COG1: variants seen among roughly 807,000 people sequenced by gnomAD.
COG1 encodes conserved oligomeric Golgi complex subunit 1.
Under a neutral mutation model 102.2 loss-of-function variants are expected in COG1, and 61 were observed. The ratio of observed to expected loss-of-function variants is 0.60; its 90% CI spans 0.49 to 0.74. The LOEUF is 0.74. COG1 is among the 30% of genes least tolerant of loss of function. COG1 has a pLI of 0.00. For missense variants in COG1, 1,164 were observed against 1,232.1 expected (o/e 0.94, Z 0.83); for synonymous variants, 454 against 493.6 (o/e 0.92, Z 1.06).
rs1328105998 is a variant in COG1, at chr17:73,197,266, G to A, written c.783G>A (p.Leu261=). 1 of 1,614,226 alleles carries A rather than the reference G, an allele frequency of 6.2e-7. No individual in the cohort carries two copies. The change falls in exon 4 of 14, where the codon TTG becomes TTA. Residue 261 remains leucine, a synonymous_variant. Coordinates refer to ENST00000299886, the MANE Select transcript of COG1 (RefSeq NM_018714.3). ...IKAQICSLVE[L]LATTLKQAHA... ...CTCAGATTTGCTCATTAGTGGAGTT[G>A]CTGGCCACCACTCTGAAGCAAGCTC...
At chr17:73,204,049 A>G (rs1423707112) in intron 9 of COG1, among the ~76,000 whole-genome samples, 2 of 152,138 alleles carry the variant, frequency 1.3e-5, no homozygotes, top group East Asian at 3.9e-4. Context: ...AAGACCCAGA[A>G]CTTTGGGAGG....
chr17:73,207,576 T>G, intron 13 of COG1: 1 of 773,080 alleles, frequency 1.3e-6, no homozygotes, highest in Non-Finnish European at 2.0e-6. Context: ...TTGTACTTGT[T>G]TGGAGAAAAT....
chr17:73,198,652 C>T (rs1488818656), intron 4 of COG1, among the ~76,000 whole-genome samples: 1 of 151,446 alleles, frequency 6.6e-6, no homozygotes, highest in Non-Finnish European at 1.5e-5. Flanking sequence ...GACTGTGAAG[C>T]GGGCAGGTGC....
intron 1 of COG1, among the ~76,000 whole-genome samples, chr17:73,194,871 T>C (rs1043390152): frequency 1.3e-5 from 2 of 152,214 alleles, no homozygotes; most frequent in African/African-American, 2.4e-5. Context: ...TACTGGGACA[T>C]AGAAGAAAAA....
Position 73,201,549 on chromosome 17 carries a change from C to T in COG1, c.1722C>T (p.Ser574=), listed in dbSNP as rs149888309. 4.8e-5 allele frequency: 77 copies of T among 1,614,234 alleles called. No homozygotes were observed. The highest frequency in any genetic ancestry group is 4.3e-4 in the African/African-American group (32 of 75,054). ...GTVQEMLRTQ[S]VACIKHIVDC... ...TGCAGGAGATGCTGCGGACTCAGTC[C>T]GTGGCATGCATCAAGCACATCGTGG... The change falls in exon 7 of 14, where the codon TCC becomes TCT. Residue 574 remains serine (S), a synonymous_variant. Transcript: ENST00000299886.
At chr17:73,207,785 C>T (rs1467385049) in intron 13 of COG1, 6 of 1,288,646 alleles carry the variant, frequency 4.7e-6, no homozygotes, top group East Asian at 1.1e-4. Context: ...AAAGCTCAAA[C>T]AGCTTGTCTT....
chr17:73,194,556 C>T (rs59532222), intron 1 of COG1, among the ~76,000 whole-genome samples: 77,122 of 150,632 alleles, frequency 0.51, 19,819 homozygotes, highest in East Asian at 0.59. Flanking sequence ...CTCCGCCTCC[C>T]GGGTTCAAGC....
chr17:73,203,358 T>G (rs995250444), intron 8 of COG1: 3 of 734,978 alleles, frequency 4.1e-6, no homozygotes, highest in East Asian at 5.4e-5. Flanking sequence ...TAGCATAGGC[T>G]CTGTGCTAAT....
chr17:73,193,970 C>A (rs960323751), intron 1 of COG1, among the ~76,000 whole-genome samples: 1 of 152,102 alleles, frequency 6.6e-6, no homozygotes, highest in Non-Finnish European at 1.5e-5. Flanking sequence ...CCACCACAGC[C>A]GGCCAAGCCC....
In COG1 at chr17:73,201,211, A is replaced by C; in HGVS notation, c.1384A>C (p.Asn462His). ...AAGCAGCACCAGCAACTCCCCTTCA[A>C]ATAAGCACATCCACTTTGAGTACAA... Reference protein sequence around the residue: ...LESSTSNSPSNKHIHFEYNMS... With the variant: ...LESSTSNSPSHKHIHFEYNMS... Residue 462 changes from asparagine (N) to histidine (H), a missense_variant, in exon 7 of 14, where the codon AAT becomes CAT. Asn to His is a moderately conservative substitution (Grantham distance 68). Coordinates refer to ENST00000299886, the MANE Select transcript of COG1 (RefSeq NM_018714.3). 2 of 1,614,168 alleles carry C rather than the reference A, an allele frequency of 1.2e-6. No homozygotes were observed. Among genetic ancestry groups the C allele is most frequent in the Non-Finnish European group, 1.7e-6 (2 of 1,180,006 alleles).
At chr17:73,204,776 C>CA (rs1305805364) in intron 9 of COG1, among the ~76,000 whole-genome samples, 1 of 152,112 alleles carries the variant, frequency 6.6e-6, no homozygotes, top group Non-Finnish European at 1.5e-5. Context: ...AGGCTGGTCT[C>CA]AAACTCCTGG....
chr17:73,205,482 T>G, intron 9 of COG1, 71 bp from the exon 10 acceptor site: 18 of 1,558,926 alleles, frequency 1.2e-5, no homozygotes, highest in Non-Finnish European at 1.4e-5. Context: ...AACCAAAACT[T>G]GAAGCTGTTT....
At chr17:73,194,886 A>C (rs998024067) in intron 1 of COG1, among the ~76,000 whole-genome samples, 6 of 152,268 alleles carry the variant, frequency 3.9e-5, no homozygotes, top group African/African-American at 1.4e-4. Context: ...GAAAAAATTG[A>C]AAAGTACAGT....
Position 73,201,760 on chromosome 17 carries a change from G to A in COG1, c.1933G>A (p.Glu645Lys). Reference sequence around the variant, plus strand: ...AGAGAGCTCAGAGAAACCAGCAAGGGAGTTTAGGGCTCTGAGAAAACAGGG... The same window carrying A: ...AGAGAGCTCAGAGAAACCAGCAAGGAAGTTTAGGGCTCTGAGAAAACAGGG... ...KSESSEKPAR[E>K]FRALRKQGKV... Residue 645 changes from glutamate (E) to lysine (K), a missense_variant, in exon 7 of 14, where the codon GAG becomes AAG. Glu to Lys is a moderately conservative substitution (Grantham distance 56). Transcript: ENST00000299886. The A allele has an allele frequency of 6.2e-7, 1 of 1,614,198 alleles. No homozygotes were observed. The highest frequency in any genetic ancestry group is 8.5e-7 in the Non-Finnish European group (1 of 1,180,038).
intron 4 of COG1, 42 bp from the exon 5 acceptor site, chr17:73,199,823 A>C (rs2061339629): frequency 1.2e-6 from 2 of 1,613,512 alleles, no homozygotes; most frequent in Non-Finnish European, 1.7e-6. Flanking sequence ...TATGCACTTC[A>C]AAGGGTGGCC....
Position 73,201,238 on chromosome 17 carries a change from A to C in COG1, c.1411A>C (p.Met471Leu). Residue 471 changes from methionine to leucine, a missense_variant, in exon 7 of 14, where the codon ATG (methionine) becomes CTG (leucine). Coordinates refer to ENST00000299886, the MANE Select transcript of COG1 (RefSeq NM_018714.3). ...SNKHIHFEYNMSLFLWSESPN... is the reference protein window; with the variant it reads ...SNKHIHFEYNLSLFLWSESPN... ...TAAGCACATCCACTTTGAGTACAAC[A>C]TGTCGCTCTTCCTCTGGTCTGAGAG... is the stretch of plus-strand genomic sequence containing the variant. 1 of 1,614,186 alleles carries C rather than the reference A, an allele frequency of 6.2e-7. No individual in the cohort carries two copies. The highest frequency in any genetic ancestry group is 1.1e-5 in the South Asian group (1 of 91,084).
chr17:73,203,295 G>A, intron 8 of COG1, 149 bp downstream of exon 8: 9 of 1,023,158 alleles, frequency 8.8e-6, no homozygotes, highest in Non-Finnish European at 1.2e-5. Flanking sequence ...TAGATGTAGG[G>A]CTAAGTAAAT....
chr17:73,205,380 A>G (rs2061364395), intron 9 of COG1, 173 bp from the exon 10 acceptor site: 1 of 713,018 alleles, frequency 1.4e-6, no homozygotes, highest in Non-Finnish European at 2.4e-6. Flanking sequence ...TTTAAGGTCA[A>G]GTTTCTAACA....
chr17:73,201,452 C>G lies in COG1; in HGVS notation c.1625C>G (p.Ser542Ter). Reference protein sequence around the residue: ...LLAYLPSDDSSLPKDVSPTQA... With the variant: ...LLAYLPSDDS ...GCTTACCTCCCCTCTGATGACTCAT[C>G]ACTGCCCAAGGACGTTTCTCCCACA... is the stretch of plus-strand genomic sequence containing the variant. Residue 542 changes from serine (S) to a stop codon, truncating the protein, a stop_gained, in exon 7 of 14, where the codon TCA becomes TGA. Coordinates refer to ENST00000299886, the MANE Select transcript of COG1 (RefSeq NM_018714.3). LOFTEE classifies it high-confidence loss of function. 6.2e-7 allele frequency: 1 copy of G among 1,614,280 alleles called. No individual in the cohort carries two copies. Among genetic ancestry groups the G allele is most frequent in the Non-Finnish European group, 8.5e-7 (1 of 1,180,052 alleles).
Sources: allele counts gnomAD v4.1 joint callset (sites outside exome capture counted in the v4.1 genomes callset), GRCh38; gene constraint gnomAD v4.1.1; transcripts MANE v1.5; gene names NCBI Gene and HGNC (gene_info 2026-07-23, HGNC 2026-07-21).